The following GNG12 variants were observed in gnomAD, a reference collection of about 807,000 sequenced individuals.
The protein encoded by GNG12 is guanine nucleotide-binding protein G(I)/G(S)/G(O) subunit gamma-12.
For missense variants in GNG12, 69 were observed against 83.8 expected, an observed-to-expected ratio of 0.82 and a Z score of 0.69; for synonymous variants, 28 against 29.7, an observed-to-expected ratio of 0.94 and a Z score of 0.19.
At chr1:67,784,875 G>A (rs1034793083) in intron 1 of GNG12, among the ~76,000 whole-genome samples, 1 of 152,166 alleles carries the variant, frequency 6.6e-6, no homozygotes, top group Non-Finnish European at 1.5e-5. Flanking sequence ...TTTTGATTGT[G>A]TCTCAAAGTC....
intron 1 of GNG12, among the ~76,000 whole-genome samples, chr1:67,832,821 G>A (rs959342223): frequency 6.6e-6 from 1 of 151,576 alleles, no homozygotes; most frequent in African/African-American, 2.4e-5. Flanking sequence ...GTCCCGGGAG[G>A]TAGAAAGTAG....
At chr1:67,756,340 A>G (rs562449033) in intron 2 of GNG12, among the ~76,000 whole-genome samples, 5 of 152,232 alleles carry the variant, frequency 3.3e-5, no homozygotes, top group Admixed American at 6.5e-5. Context: ...TGACTGTAAT[A>G]TGAGGTAGGA....
Position 67,705,312 on chromosome 1 carries a change from C to A in GNG12, c.*139G>T. 1 of 1,326,498 alleles carries A rather than the reference C, an allele frequency of 7.5e-7. No individual in the cohort carries two copies. Among genetic ancestry groups the A allele is most frequent in the Non-Finnish European group, 1.0e-6 (1 of 992,400 alleles). 82.2% of individuals were successfully genotyped at this position (1,326,498 alleles called of 1,614,324 possible). ...GAAAGGACAACTTGGAAAATAGAGACTTCAGAGTCCATTATTCCAAGCTGA... is the reference window on the plus strand; with the variant it reads ...GAAAGGACAACTTGGAAAATAGAGAATTCAGAGTCCATTATTCCAAGCTGA... On this transcript the variant is annotated 3_prime_UTR_variant, in exon 4 of 4. Transcript: ENST00000370982.
chr1:67,797,574 A>G (rs1646839120), intron 1 of GNG12, among the ~76,000 whole-genome samples: 1 of 152,236 alleles, frequency 6.6e-6, no homozygotes, highest in African/African-American at 2.4e-5. Flanking sequence ...TCCATAGAAG[A>G]CAACTAGCAG....
intron 1 of GNG12, among the ~76,000 whole-genome samples, chr1:67,812,576 G>T (rs1439441218): frequency 6.6e-6 from 1 of 152,162 alleles, no homozygotes; most frequent in Non-Finnish European, 1.5e-5. Context: ...ATAAGACTTA[G>T]AGTGATTCTC....
chr1:67,724,314 C>T (rs1307869740), intron 2 of GNG12, among the ~76,000 whole-genome samples: 2 of 152,186 alleles, frequency 1.3e-5, no homozygotes, highest in African/African-American at 2.4e-5. Flanking sequence ...AAGGAATGAA[C>T]TGCTCATACA....
chr1:67,773,946 G>A (rs1190785979), intron 2 of GNG12, among the ~76,000 whole-genome samples: 1 of 152,168 alleles, frequency 6.6e-6, no homozygotes, highest in African/African-American at 2.4e-5. Context: ...AAGACCAACA[G>A]AGAAATGCAC....
At chr1:67,771,288 A>C (rs1646673023) in intron 2 of GNG12, among the ~76,000 whole-genome samples, 1 of 152,256 alleles carries the variant, frequency 6.6e-6, no homozygotes, top group Non-Finnish European at 1.5e-5. Context: ...CATGGACTTC[A>C]CAGACACTAC....
At chr1:67,727,874 A>G (rs1003895670) in intron 2 of GNG12, among the ~76,000 whole-genome samples, 2 of 152,220 alleles carry the variant, frequency 1.3e-5, no homozygotes, top group African/African-American at 2.4e-5. Flanking sequence ...AATTTATGTG[A>G]TAAGTTTTTT....
intron 1 of GNG12, among the ~76,000 whole-genome samples, chr1:67,810,468 G>A (rs1378639803): frequency 6.6e-6 from 1 of 152,240 alleles, no homozygotes; most frequent in Non-Finnish European, 1.5e-5. Context: ...CCACTCTGGT[G>A]TGGGATGTGG....
chr1:67,823,874 A>T lies in GNG12; in HGVS notation c.-77+9470T>A, dbSNP rs140041266. On this transcript the variant is annotated intron_variant, in intron 1 of 3. Transcript: ENST00000370982. The stretch of plus-strand genomic sequence containing the variant: ...TCACAGCACTGTTTGTAATAGCAAA[A>T]GACTGGGAAACAGCCCAAAGGTCCA... Among the ~76,000 whole-genome samples, 48 of 152,366 alleles carry T rather than the reference A, an allele frequency of 3.2e-4. No homozygotes were observed. In the East Asian group the frequency reaches 8.7e-3, roughly 28 times the overall value.
At chr1:67,792,115 C>T (rs770290846) in intron 1 of GNG12, among the ~76,000 whole-genome samples, 2 of 152,134 alleles carry the variant, frequency 1.3e-5, no homozygotes, top group Non-Finnish European at 2.9e-5. Context: ...CCAGACTCTG[C>T]TTTGCTTTTC....
chr1:67,820,589 T>C (rs955284707), intron 1 of GNG12, among the ~76,000 whole-genome samples: 7 of 152,290 alleles, frequency 4.6e-5, no homozygotes, highest in Admixed American at 3.9e-4. Context: ...CACTTTTCAA[T>C]GTGGTATTAC....
At chr1:67,744,463 C>T (rs965991395) in intron 2 of GNG12, among the ~76,000 whole-genome samples, 11 of 152,136 alleles carry the variant, frequency 7.2e-5, no homozygotes, top group African/African-American at 2.4e-4. Flanking sequence ...ACACTGTGCT[C>T]GGGCACTTCT....
chr1:67,741,279 C>T (rs1188827335), intron 2 of GNG12, among the ~76,000 whole-genome samples: 1 of 152,220 alleles, frequency 6.6e-6, no homozygotes, highest in Non-Finnish European at 1.5e-5. Context: ...CGTCAGAGTT[C>T]CTGGCCATTC....
intron 1 of GNG12, among the ~76,000 whole-genome samples, chr1:67,789,980 G>A (rs1377947823): frequency 6.6e-6 from 1 of 152,206 alleles, no homozygotes; most frequent in Non-Finnish European, 1.5e-5. Context: ...ATATGGATTA[G>A]CAAAGAAATT....
intron 2 of GNG12, among the ~76,000 whole-genome samples, chr1:67,774,479 C>A (rs1646693160): frequency 6.6e-6 from 1 of 152,208 alleles, no homozygotes; most frequent in Admixed American, 6.5e-5. Flanking sequence ...GAAAGTTTTA[C>A]AAATGCTGCC....
chr1:67,798,381 C>T (rs376871486), intron 1 of GNG12, among the ~76,000 whole-genome samples: 1 of 152,204 alleles, frequency 6.6e-6, no homozygotes, highest in Admixed American at 6.5e-5. Context: ...TCTGTGACCA[C>T]TGGCCATGGA....
At chr1:67,827,494 C>T (rs574828180) in intron 1 of GNG12, among the ~76,000 whole-genome samples, 101 of 151,892 alleles carry the variant, frequency 6.6e-4, no homozygotes, top group African/African-American at 2.4e-3. Flanking sequence ...GGCACGATCT[C>T]GGCTCACTGC....
Sources: gnomAD v4.1 joint callset for allele counts (sites outside exome capture counted in the v4.1 genomes callset) on GRCh38, gnomAD v4.1.1 for gene constraint, MANE v1.5 for transcripts, NCBI Gene and HGNC (gene_info 2026-07-23, HGNC 2026-07-21) for gene names.